ARHGAP18: variants seen among roughly 807,000 people sequenced by gnomAD.
ARHGAP18 encodes the protein Rho GTPase activating protein 18.
A neutral mutation model predicts 86.2 loss-of-function variants in ARHGAP18; 67 were observed. The observed-to-expected ratio is 0.78, with a 90% CI of 0.64 to 0.95. ARHGAP18 has a LOEUF of 0.95. ARHGAP18 is among the 40% of genes least tolerant of loss of function. The pLI, the probability that ARHGAP18 is intolerant of heterozygous loss-of-function variation, is 0.00. For missense variants in ARHGAP18, 691 were observed against 780.4 expected (o/e 0.89, Z 1.37); for synonymous variants, 283 against 280.4 (o/e 1.01, Z -0.09).
chr6:129,663,135 ACT>A (rs1247935228), intron 1 of ARHGAP18, among the ~76,000 whole-genome samples: 2 of 152,190 alleles, frequency 1.3e-5, no homozygotes, highest in Admixed American at 1.3e-4. Flanking sequence ...CATGCTCAAG[ACT>A]CTGTATGATA....
intron 12 of ARHGAP18, among the ~76,000 whole-genome samples, chr6:129,592,675 T>C (rs1364594730): frequency 6.6e-6 from 1 of 152,122 alleles, no homozygotes; most frequent in Non-Finnish European, 1.5e-5. Context: ...ACCCTCACTC[T>C]CATAAATGAA....
chr6:129,698,303 T>TA (rs1001044493), intron 1 of ARHGAP18, among the ~76,000 whole-genome samples: 1 of 152,204 alleles, frequency 6.6e-6, no homozygotes, highest in African/African-American at 2.4e-5. Flanking sequence ...TACATGTCCT[T>TA]AAAGCCTTTC....
chr6:129,584,743 T>A (rs1788360972), intron 12 of ARHGAP18, among the ~76,000 whole-genome samples: 1 of 152,194 alleles, frequency 6.6e-6, no homozygotes, highest in African/African-American at 2.4e-5. Flanking sequence ...AAATGTCAGC[T>A]ATAGCGTTAG....
At chr6:129,679,785 C>G (rs1774294003) in intron 1 of ARHGAP18, among the ~76,000 whole-genome samples, 1 of 152,162 alleles carries the variant, frequency 6.6e-6, no homozygotes, top group Admixed American at 6.5e-5. Context: ...TAACAAATTA[C>G]CAAAATTTGG....
intron 1 of ARHGAP18, among the ~76,000 whole-genome samples, chr6:129,676,490 CT>C (rs1465248498): frequency 2.6e-5 from 4 of 152,196 alleles, no homozygotes; most frequent in African/African-American, 9.7e-5. Flanking sequence ...CCTCACACCC[CT>C]GGCATCTCCA....
chr6:129,707,624 C>A (rs1296690544), intron 1 of ARHGAP18, among the ~76,000 whole-genome samples: 1 of 150,656 alleles, frequency 6.6e-6, no homozygotes, highest in African/African-American at 2.4e-5. Context: ...CATGCACTAC[C>A]ATTTCTAGTT....
chr6:129,650,350 G>T (rs1773684032), intron 1 of ARHGAP18, among the ~76,000 whole-genome samples: 1 of 152,102 alleles, frequency 6.6e-6, no homozygotes, highest in Admixed American at 6.5e-5. Context: ...GCCGAGGCAG[G>T]TTTCAAAAAT....
At chr6:129,680,743 A>G (rs1562722610) in intron 1 of ARHGAP18, among the ~76,000 whole-genome samples, 1 of 152,246 alleles carries the variant, frequency 6.6e-6, no homozygotes, top group Non-Finnish European at 1.5e-5. Context: ...TCCAGGGGAC[A>G]TGCTCCTTAT....
intron 1 of ARHGAP18, among the ~76,000 whole-genome samples, chr6:129,652,865 A>G (rs962039013): frequency 6.6e-6 from 1 of 152,200 alleles, no homozygotes; most frequent in African/African-American, 2.4e-5. Context: ...ATTATAAACA[A>G]TGTTTTGAAA....
intron 1 of ARHGAP18, among the ~76,000 whole-genome samples, chr6:129,686,759 C>T (rs1344478083): frequency 6.9e-6 from 1 of 145,798 alleles, no homozygotes; most frequent in African/African-American, 2.5e-5. Context: ...ATCCCGTCAT[C>T]TTTCACTGAA....
chr6:129,700,543 G>A (rs1406792081), intron 1 of ARHGAP18, among the ~76,000 whole-genome samples: 1 of 152,194 alleles, frequency 6.6e-6, no homozygotes, highest in South Asian at 2.1e-4. Context: ...TACTGCATAT[G>A]CATTAGAAGC....
intron 1 of ARHGAP18, among the ~76,000 whole-genome samples, chr6:129,685,053 T>G (rs965110982): frequency 6.6e-6 from 1 of 152,040 alleles, no homozygotes; most frequent in Admixed American, 6.6e-5. Flanking sequence ...GGACACAGCG[T>G]AGTAATTAAC....
In ARHGAP18 at chr6:129,696,957, C is replaced by A. The variant is rs9483051; in HGVS notation, c.113+13067G>T. 6.2e-3 allele frequency among the ~76,000 whole-genome samples: 950 copies of A among 152,300 alleles called. 11 individuals carry two copies. Among genetic ancestry groups the A allele is most frequent in the African/African-American group, 0.021 (889 of 41,574 alleles). ...CCTCATTGAGAAGTGTATCCTATTCCTCCATCCTCTCGAATCTAGGTTGGC... is the reference window on the plus strand; with the variant it reads ...CCTCATTGAGAAGTGTATCCTATTCATCCATCCTCTCGAATCTAGGTTGGC... On this transcript the variant is annotated intron_variant, in intron 1 of 14. Coordinates refer to ENST00000368149, the MANE Select transcript of ARHGAP18 (RefSeq NM_033515.3).
At chr6:129,645,969 AG>A (rs1773570163) in intron 1 of ARHGAP18, among the ~76,000 whole-genome samples, 1 of 152,216 alleles carries the variant, frequency 6.6e-6, no homozygotes, top group African/African-American at 2.4e-5. Context: ...TGAATTTCAA[AG>A]GCACTGATAT....
In ARHGAP18 at chr6:129,695,904, C is replaced by G. The variant is rs117822046; in HGVS notation, c.113+14120G>C. On this transcript the variant is annotated intron_variant, in intron 1 of 14. Coordinates refer to ENST00000368149, the MANE Select transcript of ARHGAP18 (RefSeq NM_033515.3). Reference sequence around the variant, plus strand: ...TACAGCTCAGAGGGCTTCCTAGTCACGTATCCTCTCCCTTTCTTTGAAGTG... The same window carrying G: ...TACAGCTCAGAGGGCTTCCTAGTCAGGTATCCTCTCCCTTTCTTTGAAGTG... Among the ~76,000 whole-genome samples the G allele has an allele frequency of 8.1e-3, 1,233 of 152,194 alleles. 6 individuals carry two copies. Among genetic ancestry groups the G allele is most frequent in the Non-Finnish European group, 0.014 (929 of 68,000 alleles).
intron 12 of ARHGAP18, among the ~76,000 whole-genome samples, chr6:129,585,326 G>A (rs1222623804): frequency 1.3e-5 from 2 of 152,022 alleles, no homozygotes; most frequent in Non-Finnish European, 1.5e-5. Context: ...TAAACATTGA[G>A]CAGAGATATA....
intron 5 of ARHGAP18, among the ~76,000 whole-genome samples, chr6:129,622,152 G>A (rs1460656974): frequency 6.6e-6 from 1 of 152,122 alleles, no homozygotes; most frequent in African/African-American, 2.4e-5. Context: ...CTACAGGGAG[G>A]CGAGCATAGA....
chr6:129,640,786 C>T (rs867314903), intron 2 of ARHGAP18, among the ~76,000 whole-genome samples: 23 of 152,252 alleles, frequency 1.5e-4, no homozygotes, highest in Middle Eastern at 3.4e-3. Flanking sequence ...GGGGCTCTCA[C>T]ATTTTGGCAT....
At chr6:129,650,223 C>T (rs2114508533) in intron 1 of ARHGAP18, among the ~76,000 whole-genome samples, 1 of 152,144 alleles carries the variant, frequency 6.6e-6, no homozygotes, top group South Asian at 2.1e-4. Context: ...TGCACCTTGC[C>T]TCACTCTACT....
Sources: allele counts gnomAD v4.1 joint callset (sites outside exome capture counted in the v4.1 genomes callset), GRCh38; gene constraint gnomAD v4.1.1; transcripts MANE v1.5; gene names NCBI Gene and HGNC (gene_info 2026-07-23, HGNC 2026-07-21).